FGF12: variants seen among roughly 807,000 people sequenced by gnomAD.
FGF12 encodes the protein fibroblast growth factor 12, also known as fibroblast growth factor 12B.
A neutral mutation model predicts 23.6 loss-of-function variants in FGF12; 14 were observed. The ratio of observed to expected loss-of-function variants is 0.59; its 90% CI spans 0.39 to 0.93. The LOEUF is 0.93. FGF12 is among the 40% of genes least tolerant of loss of function. The pLI is 0.00. For synonymous variants in FGF12, 62 were observed against 77.3 expected, an observed-to-expected ratio of 0.80 and a Z score of 1.04; for missense variants, 175 against 217.8, an observed-to-expected ratio of 0.80 and a Z score of 1.24.
intron 4 of FGF12, among the ~76,000 whole-genome samples, chr3:192,252,462 CAAAAAAAAAAAAA>C (rs56920518): frequency 3.6e-4 from 10 of 27,508 alleles, no homozygotes; most frequent in Admixed American, 6.5e-4. Flanking sequence ...GAATCTGTCT[CAAAAAAAAAAAAA>C]AAAAAAAAAA....
intron 5 of FGF12, among the ~76,000 whole-genome samples, chr3:192,169,547 C>T (rs1715422443): frequency 1.3e-5 from 2 of 152,040 alleles, no homozygotes; most frequent in African/African-American, 4.8e-5. Context: ...GCATTGTGTA[C>T]ACTGATTGAC....
chr3:192,420,982 A>T lies in FGF12; in HGVS notation c.14-60444T>A, dbSNP rs187299380. Among the ~76,000 whole-genome samples the T allele has an allele frequency of 1.5e-3, 228 of 152,332 alleles. 1 individual carries two copies. Among genetic ancestry groups the T allele is most frequent in the South Asian group, 0.013 (61 of 4,828 alleles). On this transcript the variant is annotated intron_variant, in intron 2 of 5. Coordinates refer to ENST00000445105, the MANE Select transcript of FGF12 (RefSeq NM_004113.6). ...ACAAATTGGAAAAAAAAAGTCTTAC[A>T]AAATGTTTTATCAATAAAATGCTAC... is the stretch of plus-strand genomic sequence containing the variant.
At chr3:192,211,632 G>A (rs113335759) in intron 4 of FGF12, among the ~76,000 whole-genome samples, 8,991 of 151,784 alleles carry the variant, frequency 0.059, 810 homozygotes, top group African/African-American at 0.2. Flanking sequence ...TCATCATGTT[G>A]GCCAGGCTGG....
At chr3:192,650,927 C>G (rs560058837) in intron 2 of FGF12, among the ~76,000 whole-genome samples, 1 of 152,096 alleles carries the variant, frequency 6.6e-6, no homozygotes, top group South Asian at 2.1e-4. Context: ...TTTCATTGAC[C>G]AACATTTAAT....
intron 2 of FGF12, among the ~76,000 whole-genome samples, chr3:192,597,146 G>A (rs1052953341): frequency 6.6e-6 from 1 of 152,114 alleles, no homozygotes; most frequent in Non-Finnish European, 1.5e-5. Flanking sequence ...TAGTGAGAGT[G>A]CACAATAAGA....
At chr3:192,705,623 A>G (rs2108733753) in intron 2 of FGF12, among the ~76,000 whole-genome samples, 1 of 152,368 alleles carries the variant, frequency 6.6e-6, no homozygotes. Flanking sequence ...CAAATATTAC[A>G]GATCACCATG....
chr3:192,406,671 T>C lies in FGF12; in HGVS notation c.14-46133A>G, dbSNP rs547050968. ...TGTATACTCCTGAAATTTACCACTT[T>C]ATCATCATCACAAAATAAGAAAATG... On this transcript the variant is annotated intron_variant, in intron 2 of 5. Transcript: ENST00000445105. 3.9e-5 allele frequency among the ~76,000 whole-genome samples: 6 copies of C among 152,310 alleles called. No individual in the cohort carries two copies. In the South Asian group the frequency reaches 1.2e-3, roughly 32 times the overall value.
At chr3:192,361,962 A>G (rs553950474) in intron 2 of FGF12, among the ~76,000 whole-genome samples, 52 of 152,344 alleles carry the variant, frequency 3.4e-4, no homozygotes, top group Admixed American at 3.0e-3. Flanking sequence ...ATAGATATGT[A>G]TTATCTTTAT....
intron 4 of FGF12, among the ~76,000 whole-genome samples, chr3:192,191,374 C>CTT (rs1199700861): frequency 6.6e-6 from 1 of 152,132 alleles, no homozygotes; most frequent in Non-Finnish European, 1.5e-5. Context: ...AAACTATTGA[C>CTT]TTTGGTTGAT....
chr3:192,358,039 C>G (rs1340799261), intron 3 of FGF12, among the ~76,000 whole-genome samples: 1 of 151,790 alleles, frequency 6.6e-6, no homozygotes, highest in Non-Finnish European at 1.5e-5. Context: ...ATATACAAAC[C>G]TCACAACCAT....
intron 2 of FGF12, among the ~76,000 whole-genome samples, chr3:192,421,028 G>C (rs1302666178): frequency 6.6e-6 from 1 of 152,150 alleles, no homozygotes; most frequent in East Asian, 1.9e-4. Context: ...GAAGGGGGTG[G>C]AGAGATATTC....
intron 2 of FGF12, chr3:192,672,998 G>A (rs1371574832): frequency 1.3e-5 from 2 of 151,148 alleles, no homozygotes; most frequent in East Asian, 3.9e-4. Flanking sequence ...TAGTGGTTTT[G>A]CAATCACTTC....
At chr3:192,359,692 T>C (rs1223567765) in intron 3 of FGF12, among the ~76,000 whole-genome samples, 1 of 152,132 alleles carries the variant, frequency 6.6e-6, no homozygotes, top group African/African-American at 2.4e-5. Context: ...ACCGTGATGA[T>C]TGCATTTAAT....
intron 2 of FGF12, among the ~76,000 whole-genome samples, chr3:192,452,155 A>G (rs1421056807): frequency 3.3e-5 from 5 of 152,274 alleles, no homozygotes; most frequent in Admixed American, 6.5e-5. Flanking sequence ...CATATTTTCT[A>G]TCAAATTGAG....
chr3:192,321,508 A>AAG, intron 4 of FGF12, among the ~76,000 whole-genome samples: 1 of 151,618 alleles, frequency 6.6e-6, no homozygotes, highest in East Asian at 1.9e-4. Flanking sequence ...AAAAAAAAAA[A>AAG]AAACCACACA....
chr3:192,714,342 A>T (rs1718790608), intron 2 of FGF12, among the ~76,000 whole-genome samples: 1 of 152,024 alleles, frequency 6.6e-6, no homozygotes, highest in African/African-American at 2.4e-5. Flanking sequence ...ATTGAAAGTG[A>T]TGGGTGAGTT....
chr3:192,704,992 G>A lies in FGF12; in HGVS notation c.13+22189C>T, dbSNP rs186184957. On this transcript the variant is annotated intron_variant, in intron 2 of 5. Coordinates refer to ENST00000445105, the MANE Select transcript of FGF12 (RefSeq NM_004113.6). ...AGAATTGAAGAGAGAGCCTTGCTCTGTATTAGGCTTTGGCTTAAGGAAATG... is the reference window on the plus strand; with the variant it reads ...AGAATTGAAGAGAGAGCCTTGCTCTATATTAGGCTTTGGCTTAAGGAAATG... Among the ~76,000 whole-genome samples the A allele has an allele frequency of 3.9e-3, 587 of 152,316 alleles. 4 individuals carry two copies. Among genetic ancestry groups the A allele is most frequent in the African/African-American group, 0.013 (535 of 41,574 alleles).
In FGF12 at chr3:192,408,391, T is replaced by G. The variant is rs1299126372; in HGVS notation, c.14-47853A>C. On this transcript the variant is annotated intron_variant, in intron 2 of 5. Transcript: ENST00000445105. This position sits in a 1 kb window ranked among gnomAD's most constrained non-coding sequence, Gnocchi z 7.3. ...GAAAACCCGGCGCTCACAAGGTTAG[T>G]CAAAGTCTGGGCAGTGGCGACAAAA... 7.1e-7 allele frequency: 1 copy of G among 1,418,108 alleles called. No homozygotes were observed. The highest frequency in any genetic ancestry group is 9.2e-7 in the Non-Finnish European group (1 of 1,090,716). 87.8% of individuals were successfully genotyped at this position (1,418,108 alleles called of 1,614,324 possible).
intron 4 of FGF12, among the ~76,000 whole-genome samples, chr3:192,308,545 T>C (rs1213418420): frequency 2.0e-5 from 3 of 151,912 alleles, no homozygotes; most frequent in Non-Finnish European, 4.4e-5. Flanking sequence ...CCGGGCATGG[T>C]GGCGTGTGCC....
Sources: allele counts gnomAD v4.1 joint callset (sites outside exome capture counted in the v4.1 genomes callset), GRCh38; gene constraint gnomAD v4.1.1; non-coding constraint Gnocchi (gnomAD v3.1); transcripts MANE v1.5; gene names NCBI Gene and HGNC (gene_info 2026-07-23, HGNC 2026-07-21).